KHDRBS3: variants seen among roughly 807,000 people sequenced by gnomAD.
KHDRBS3 encodes the protein KH domain-containing, RNA-binding, signal transduction-associated protein 3.
KHDRBS3 carries 23 observed loss-of-function variants against 45.6 expected under a neutral mutation model. The ratio of observed to expected loss-of-function variants is 0.50; its 90% CI spans 0.36 to 0.72. KHDRBS3 has a LOEUF of 0.72. Ranked by LOEUF, KHDRBS3 falls within the 30% of genes least tolerant of loss-of-function variation. The pLI is 0.00. For synonymous variants in KHDRBS3, 162 were observed against 156.5 expected, an observed-to-expected ratio of 1.04 and a Z score of -0.26; for missense variants, 352 against 424.8, an observed-to-expected ratio of 0.83 and a Z score of 1.51.
At chr8:135,575,983 G>C (rs1827930074) in intron 5 of KHDRBS3, among the ~76,000 whole-genome samples, 1 of 152,094 alleles carries the variant, frequency 6.6e-6, no homozygotes, top group Non-Finnish European at 1.5e-5. Flanking sequence ...CAGTTTCTTG[G>C]ACTTGTTTGT....
chr8:135,538,226 G>A (rs1456906591), intron 2 of KHDRBS3, among the ~76,000 whole-genome samples: 1 of 152,148 alleles, frequency 6.6e-6, no homozygotes, highest in African/African-American at 2.4e-5. Flanking sequence ...CTTGTCTGCT[G>A]GTTCAGATTG....
intron 1 of KHDRBS3, among the ~76,000 whole-genome samples, chr8:135,506,911 G>A (rs1027416206): frequency 1.3e-5 from 2 of 150,910 alleles, no homozygotes; most frequent in African/African-American, 4.9e-5. Flanking sequence ...ATTCTCTCCT[G>A]AATCATTTAT....
chr8:135,467,645 A>C (rs547418999), intron 1 of KHDRBS3, among the ~76,000 whole-genome samples: 2 of 152,366 alleles, frequency 1.3e-5, no homozygotes, highest in African/African-American at 4.8e-5. Flanking sequence ...TGTGTCACAC[A>C]CTGTCTTGGC....
chr8:135,574,143 GTGTTAGCACGTCACCTCCATCA>G (rs869203010), intron 5 of KHDRBS3, among the ~76,000 whole-genome samples: 2,376 of 77,994 alleles, frequency 0.03, 245 homozygotes, highest in African/African-American at 0.059. Context: ...CAGGATTCTT[GTGTTAGCACGTCACCTCCATCA>G]TGTTAGCACG....
intron 6 of KHDRBS3, among the ~76,000 whole-genome samples, chr8:135,589,527 G>A (rs1429978938): frequency 6.6e-6 from 1 of 152,090 alleles, no homozygotes; most frequent in African/African-American, 2.4e-5. Context: ...CCGAGCTCTT[G>A]GCTCCCTTTG....
intron 1 of KHDRBS3, among the ~76,000 whole-genome samples, chr8:135,505,203 T>A (rs908629097): frequency 7.6e-4 from 115 of 152,234 alleles, no homozygotes; most frequent in African/African-American, 2.4e-3. Flanking sequence ...TAGATTAGTG[T>A]TTTTCAACCC....
In KHDRBS3 at chr8:135,529,642, C is replaced by A. The variant is rs1231186120; in HGVS notation, c.207+8287C>A. ...TTATCATTGGTGTTATTTTCCTGAG[C>A]CAATGAATAATTAAAAATTTGATTA... On this transcript the variant is annotated intron_variant, in intron 2 of 8. Transcript: ENST00000355849. 4.6e-5 allele frequency among the ~76,000 whole-genome samples: 7 copies of A among 151,972 alleles called. No individual in the cohort carries two copies. In the South Asian group the frequency reaches 1.5e-3, roughly 32 times the overall value.
intron 1 of KHDRBS3, among the ~76,000 whole-genome samples, chr8:135,514,376 C>T (rs188435765): frequency 1.1e-3 from 160 of 152,316 alleles, no homozygotes; most frequent in African/African-American, 3.7e-3. Flanking sequence ...GAATATTATT[C>T]CGCCTTAAAA....
At chr8:135,637,511 C>T (rs181071874) in intron 7 of KHDRBS3, among the ~76,000 whole-genome samples, 4 of 152,126 alleles carry the variant, frequency 2.6e-5, no homozygotes, top group East Asian at 1.9e-4. Context: ...CTTAAAGGAA[C>T]GGGGCAAAAT....
chr8:135,524,787 C>G (rs1199175693), intron 2 of KHDRBS3, among the ~76,000 whole-genome samples: 2 of 151,888 alleles, frequency 1.3e-5, no homozygotes, highest in Non-Finnish European at 2.9e-5. Context: ...TTGCTATTAA[C>G]CCACCAAGTA....
intron 2 of KHDRBS3, 111 bp downstream of exon 2, chr8:135,521,466 C>A: frequency 1.7e-6 from 1 of 594,696 alleles, no homozygotes; most frequent in South Asian, 2.5e-5. Flanking sequence ...TTAGCATCCC[C>A]CTACACACAC....
intron 4 of KHDRBS3, among the ~76,000 whole-genome samples, chr8:135,655,125 G>T (rs991825731): frequency 6.6e-6 from 1 of 152,150 alleles, no homozygotes; most frequent in Non-Finnish European, 1.5e-5. Flanking sequence ...ATATTTATTG[G>T]TTAATTAAGG....
chr8:135,617,329 A>G (rs926127137), intron 7 of KHDRBS3, among the ~76,000 whole-genome samples: 1 of 150,792 alleles, frequency 6.6e-6, no homozygotes, highest in Admixed American at 6.6e-5. Context: ...TCACGCTGGC[A>G]TACAGTGGCA....
At chr8:135,509,970 C>T (rs1405016197) in intron 1 of KHDRBS3, among the ~76,000 whole-genome samples, 1 of 148,908 alleles carries the variant, frequency 6.7e-6, no homozygotes, top group Non-Finnish European at 1.5e-5. Flanking sequence ...TTCTTTCCCC[C>T]CCCCTTTTTT....
rs116975928 is a variant in KHDRBS3 at position 135,483,746 on chromosome 8, T to G, written c.88+25792T>G. On this transcript the variant is annotated intron_variant, in intron 1 of 8. Coordinates refer to ENST00000355849, the MANE Select transcript of KHDRBS3 (RefSeq NM_006558.3). ...GTCTCTTGCAGGGCTGAACTTACTC[T>G]TCCAGATTTGGAGATACTTGGAGTG... 9.2e-4 allele frequency among the ~76,000 whole-genome samples: 140 copies of G among 152,304 alleles called. 2 individuals carry two copies. The East Asian group carries it at 0.022, about 24-fold the overall frequency.
At chr8:135,563,061 A>T (rs1024937440) in intron 5 of KHDRBS3, among the ~76,000 whole-genome samples, 5 of 151,728 alleles carry the variant, frequency 3.3e-5, no homozygotes, top group Non-Finnish European at 7.4e-5. Context: ...AATCCACACT[A>T]CTCTTCCATT....
At chr8:135,531,127 A>T (rs1463220375) in intron 2 of KHDRBS3, among the ~76,000 whole-genome samples, 1 of 152,088 alleles carries the variant, frequency 6.6e-6, no homozygotes, top group Non-Finnish European at 1.5e-5. Flanking sequence ...AAGTTAGCTT[A>T]TTTCAGATTG....
chr8:135,518,597 C>A (rs1200121230), intron 1 of KHDRBS3, among the ~76,000 whole-genome samples: 1 of 152,082 alleles, frequency 6.6e-6, no homozygotes. Context: ...TCTAACTATG[C>A]CAAAGGTATT....
At chr8:135,554,122 G>T (rs1826757433) in intron 4 of KHDRBS3, among the ~76,000 whole-genome samples, 1 of 152,148 alleles carries the variant, frequency 6.6e-6, no homozygotes, top group Non-Finnish European at 1.5e-5. Context: ...AGCCTCAGAA[G>T]TGATTGACTC....
Sources: gnomAD v4.1 joint callset for allele counts (sites outside exome capture counted in the v4.1 genomes callset) on GRCh38, gnomAD v4.1.1 for gene constraint, MANE v1.5 for transcripts, NCBI Gene and HGNC (gene_info 2026-07-23, HGNC 2026-07-21) for gene names.